The following ZNF184 variants were observed in gnomAD, a reference collection of about 807,000 sequenced individuals.
ZNF184 encodes zinc finger protein 184, also known as zinc finger protein 184 (Kruppel-like).
Under a neutral mutation model 54.4 loss-of-function variants are expected in ZNF184, and 16 were observed. That is an observed-to-expected ratio of 0.29 (90% CI 0.20 to 0.45). The LOEUF (loss-of-function observed/expected upper bound fraction) is 0.45. Among genes scored for constraint, ZNF184 ranks in the 20% least tolerant of loss-of-function variants. The pLI is 1.00. For synonymous variants in ZNF184, 254 were observed against 295.3 expected (o/e 0.86, Z 1.43); for missense variants, 681 against 888.2 (o/e 0.77, Z 2.97).
Position 27,451,509 on chromosome 6 carries a change from G to A in ZNF184, c.2050C>T (p.His684Tyr), listed in dbSNP as rs769001563. 6.8e-6 allele frequency: 11 copies of A among 1,614,060 alleles called. No individual in the cohort carries two copies. The South Asian group carries it at 8.8e-5, about 13-fold the overall frequency. The stretch of plus-strand genomic sequence containing the variant: ...TGAGTATTCTGATGTTCAGTCAGAT[G>A]AGTGCTCCGGCTAAAGGCTTTGTCA... ...ECDKAFSRST[H>Y]LTEHQNTHTG... The change falls in exon 6 of 6, where the codon CAT (histidine) becomes TAT (tyrosine). Residue 684 changes from histidine (H) to tyrosine (Y), a missense_variant. Physicochemically the swap from His to Tyr is moderately conservative, Grantham distance 83 (BLOSUM62 2). Transcript: ENST00000683788.
the ZNF184 span, among the ~76,000 whole-genome samples, chr6:27,428,343 A>C: frequency 6.6e-6 from 1 of 152,234 alleles, no homozygotes; most frequent in Non-Finnish European, 1.5e-5. This position sits in a 1 kb window ranked among gnomAD's most constrained non-coding sequence, Gnocchi z 4.1. Flanking sequence ...GGTCCTACTC[A>C]GGATTTACTA....
the ZNF184 span, among the ~76,000 whole-genome samples, chr6:27,431,468 C>T: frequency 5.3e-5 from 8 of 152,166 alleles, no homozygotes; most frequent in Non-Finnish European, 1.5e-5. Flanking sequence ...CAACTCTCTA[C>T]CATCAGTTGG....
Position 27,472,148 on chromosome 6 carries a change from A to G in ZNF184, c.7+140T>C, listed in dbSNP as rs1763291616. 3 of 1,062,332 alleles carry G rather than the reference A, an allele frequency of 2.8e-6. No individual in the cohort carries two copies. The highest frequency in any genetic ancestry group is 4.1e-6 in the Non-Finnish European group (3 of 737,744). 65.8% of individuals were successfully genotyped at this position (1,062,332 alleles called of 1,614,324 possible). ...AAAACAGAATCTCTCCCTACAATGT[A>G]ATTCGGTTTCTTTGCTAATCCCTAA... On this transcript the variant is annotated intron_variant, in intron 2 of 5. Coordinates refer to ENST00000683788, the MANE Select transcript of ZNF184 (RefSeq NM_001318891.2). The surrounding 1 kb of genome is among the most constrained non-coding windows in gnomAD (Gnocchi z 4.8).
chr6:27,464,947 G>C (rs1348034903), intron 3 of ZNF184, among the ~76,000 whole-genome samples: 1 of 148,668 alleles, frequency 6.7e-6, no homozygotes, highest in Non-Finnish European at 1.5e-5. Flanking sequence ...AACCCAGGAG[G>C]CGGAGCTTGC....
chr6:27,453,332 AT>A lies in ZNF184; in HGVS notation c.299-73del, dbSNP rs1431256476. ...AAACTGCTATTGTGGGAATAATATAATGATACTGAAAAATAAATCTCTCAGA... is the reference window on the plus strand; with the variant it reads ...AAACTGCTATTGTGGGAATAATATAAGATACTGAAAAATAAATCTCTCAGA... On this transcript the variant is annotated intron_variant, in intron 5 of 5. Coordinates refer to ENST00000683788, the MANE Select transcript of ZNF184 (RefSeq NM_001318891.2). The surrounding 1 kb of genome is among the most constrained non-coding windows in gnomAD (Gnocchi z 4.7). 1 of 1,359,260 alleles carries A rather than the reference AT, an allele frequency of 7.4e-7. No individual in the cohort carries two copies. Among genetic ancestry groups the A allele is most frequent in the Non-Finnish European group, 9.8e-7 (1 of 1,024,470 alleles). 84.2% of individuals were successfully genotyped at this position (1,359,260 alleles called of 1,614,324 possible).
the ZNF184 span, among the ~76,000 whole-genome samples, chr6:27,445,413 A>G: frequency 1.3e-5 from 2 of 152,332 alleles, no homozygotes; most frequent in African/African-American, 4.8e-5. Context: ...TTTAATTGCC[A>G]TTGTGACGGT....
rs750701391 is a variant in ZNF184, at chr6:27,452,901, T to C, written c.658A>G (p.Lys220Glu). 1.9e-6 allele frequency: 3 copies of C among 1,614,164 alleles called. No homozygotes were observed. The highest frequency in any genetic ancestry group is 2.5e-6 in the Non-Finnish European group (3 of 1,180,026). Residue 220 changes from lysine (K) to glutamate (E), a missense_variant, in exon 6 of 6, where the codon AAA becomes GAA. Coordinates refer to ENST00000683788, the MANE Select transcript of ZNF184 (RefSeq NM_001318891.2). The surrounding 1 kb of genome is among the most constrained non-coding windows in gnomAD (Gnocchi z 5.5). ...CCACATTCATTGCACTTACAAGATTTCTCTTTTTTAACTGGGTTTGAATTC... is the reference window on the plus strand; with the variant it reads ...CCACATTCATTGCACTTACAAGATTCCTCTTTTTTAACTGGGTTTGAATTC... Reference protein sequence around the residue: ...KQNSNPVKKEKSCKCNECGKA... With the variant: ...KQNSNPVKKEESCKCNECGKA...
At chr6:27,442,498 G>A in the ZNF184 span, among the ~76,000 whole-genome samples, 1 of 151,988 alleles carries the variant, frequency 6.6e-6, no homozygotes, top group Non-Finnish European at 1.5e-5. Flanking sequence ...GCACACACCT[G>A]TAGTCTCTGC....
In ZNF184 at chr6:27,462,308, C is replaced by T. The variant is rs374044023; in HGVS notation, c.76-4899G>A. ...TACCTCCCAGGTTCACGCCATTCTG[C>T]TGCCTCAGCCTCCCGAGTATCTGGG... On this transcript the variant is annotated intron_variant, in intron 3 of 5. Transcript: ENST00000683788. Among the ~76,000 whole-genome samples the T allele has an allele frequency of 4.5e-4, 69 of 151,890 alleles. 1 individual carries two copies. The highest frequency in any genetic ancestry group is 1.6e-3 in the African/African-American group (65 of 41,472).
the ZNF184 span, among the ~76,000 whole-genome samples, chr6:27,442,208 T>G: frequency 2.0e-4 from 30 of 152,326 alleles, no homozygotes; most frequent in African/African-American, 6.7e-4. Context: ...ACCTAGGGAC[T>G]TGGGCCGTGA....
intron 2 of ZNF184, among the ~76,000 whole-genome samples, chr6:27,468,250 C>T (rs181378563): frequency 8.5e-5 from 13 of 152,166 alleles, no homozygotes; most frequent in African/African-American, 2.7e-4. Context: ...AGAAGTAATC[C>T]GATTACTTTC....
chr6:27,438,431 T>G, the ZNF184 span, among the ~76,000 whole-genome samples: 1 of 152,178 alleles, frequency 6.6e-6, no homozygotes, highest in Non-Finnish European at 1.5e-5. Flanking sequence ...TAGGAGTACT[T>G]AATTGGACAT....
Position 27,472,212 on chromosome 6 carries a change from T to G in ZNF184, c.7+76A>C. On this transcript the variant is annotated intron_variant, in intron 2 of 5. Transcript: ENST00000683788. This position sits in a 1 kb window ranked among gnomAD's most constrained non-coding sequence, Gnocchi z 4.8. ...TCCTTCCAAATCTCCTGCTCTGATC[T>G]CAAGTATTTGATACTCCAGTCATGA... The G allele has an allele frequency of 6.3e-7, 1 of 1,589,792 alleles. No homozygotes were observed. Among genetic ancestry groups the G allele is most frequent in the South Asian group, 1.1e-5 (1 of 89,282 alleles).
the ZNF184 span, chr6:27,407,786 C>T: frequency 3.9e-6 from 3 of 776,582 alleles, no homozygotes; most frequent in African/African-American, 5.1e-5. Flanking sequence ...TCCATTACTT[C>T]AAAATGCACG....
chr6:27,455,422 T>A (rs559465432), intron 5 of ZNF184, among the ~76,000 whole-genome samples: 187 of 152,372 alleles, frequency 1.2e-3, no homozygotes, highest in Non-Finnish European at 2.1e-3. Flanking sequence ...TACATTTTAA[T>A]GGTTTAAAAT....
chr6:27,434,596 C>T, the ZNF184 span, among the ~76,000 whole-genome samples: 5 of 152,040 alleles, frequency 3.3e-5, no homozygotes, highest in African/African-American at 1.2e-4. Flanking sequence ...AATATGTTCT[C>T]CCTTTCTGTG....
chr6:27,466,201 T>C (rs1001490402), intron 3 of ZNF184, among the ~76,000 whole-genome samples: 2 of 151,856 alleles, frequency 1.3e-5, no homozygotes, highest in African/African-American at 4.8e-5. Context: ...GTACTAGCTT[T>C]GAAGATAGAA....
downstream of ZNF184, among the ~76,000 whole-genome samples, chr6:27,447,863 C>T (rs560662805): frequency 2.6e-4 from 39 of 152,296 alleles, no homozygotes; most frequent in Admixed American, 1.0e-3. Flanking sequence ...CCCTTTCTCA[C>T]CATGTGATGC....
the ZNF184 span, among the ~76,000 whole-genome samples, chr6:27,444,711 C>T: frequency 2.0e-5 from 3 of 152,212 alleles, no homozygotes; most frequent in Admixed American, 1.3e-4. Flanking sequence ...TCTTATTAAA[C>T]CTCTCAGAAG....
Sources: allele counts gnomAD v4.1 joint callset (sites outside exome capture counted in the v4.1 genomes callset), GRCh38; gene constraint gnomAD v4.1.1; non-coding constraint Gnocchi (gnomAD v3.1); transcripts MANE v1.5; gene names NCBI Gene and HGNC (gene_info 2026-07-23, HGNC 2026-07-21).